TOX4: variants seen among roughly 807,000 people sequenced by gnomAD.
The protein encoded by TOX4 is TOX high mobility group box family member 4.
TOX4 carries 12 observed loss-of-function variants against 61.0 expected under a neutral mutation model. The observed-to-expected ratio is 0.20, with a 90% CI of 0.13 to 0.32. The LOEUF (loss-of-function observed/expected upper bound fraction) is 0.32, where lower values mean the gene tolerates loss of function less well. Ranked by LOEUF, TOX4 falls within the 10% of genes least tolerant of loss-of-function variation. TOX4 has a pLI of 1.00. For missense variants in TOX4, 499 were observed against 753.3 expected, an observed-to-expected ratio of 0.66 and a Z score of 3.95; for synonymous variants, 268 against 274.8, an observed-to-expected ratio of 0.98 and a Z score of 0.24.
At chr14:21,482,829 T>TG (rs1469301063) in intron 2 of TOX4, among the ~76,000 whole-genome samples, 1 of 151,148 alleles carries the variant, frequency 6.6e-6, no homozygotes, top group Non-Finnish European at 1.5e-5. Flanking sequence ...AATCTCTACT[T>TG]TTACTATAGC....
rs1026725914 is a variant in TOX4, at chr14:21,485,005, T to C, written c.76-2446T>C. Reference sequence around the variant, plus strand: ...ATTAGAGGCTGGGCGCTGTGGCTCATGCCTGTAATCCCAACAGTTTGGGAG... The same window carrying C: ...ATTAGAGGCTGGGCGCTGTGGCTCACGCCTGTAATCCCAACAGTTTGGGAG... On this transcript the variant is annotated intron_variant, in intron 2 of 8. Coordinates refer to ENST00000448790, the MANE Select transcript of TOX4 (RefSeq NM_014828.4). Among the ~76,000 whole-genome samples, 17 of 108,100 alleles carry C rather than the reference T, an allele frequency of 1.6e-4. 5 individuals are homozygous for C. The highest frequency in any genetic ancestry group is 9.1e-4 in the Admixed American group (11 of 12,112). The allele number at this position is 108,100 out of a possible 152,430, so 70.9% of individuals were successfully genotyped here.
intron 2 of TOX4, chr14:21,482,582 C>T (rs1891123284): frequency 2.1e-6 from 1 of 469,992 alleles, no homozygotes; most frequent in African/African-American, 2.0e-5. Flanking sequence ...AGGAATTGAA[C>T]AAAGGAGGAA....
Position 21,492,285 on chromosome 14 carries a change from C to A in TOX4, c.811-11C>A. On this transcript the variant is annotated splice_polypyrimidine_tract_variant and intron_variant, in intron 5 of 8. Coordinates refer to ENST00000448790, the MANE Select transcript of TOX4 (RefSeq NM_014828.4). ...AGTTTTGTTTTTTTTTTTAAAGTCT[C>A]TTTTTTGCAGGTATATAAGAGGAAA... The A allele has an allele frequency of 1.9e-6, 3 of 1,580,344 alleles. No homozygotes were observed. The highest frequency in any genetic ancestry group is 1.7e-6 in the Non-Finnish European group (2 of 1,164,128).
chr14:21,477,257 C>T lies in TOX4; in HGVS notation c.-22C>T, dbSNP rs1411704990. On this transcript the variant is annotated 5_prime_UTR_variant, in exon 1 of 9. In the 5' UTR this introduces an upstream ATG that the reference lacks. Transcript: ENST00000448790. ...CGGTGGGAGCGATGAGGGTCTGAGA[C>T]GGTGGGAGCGGTTGTGTGAAGATGG... 2 of 1,613,964 alleles carry T rather than the reference C, an allele frequency of 1.2e-6. No homozygotes were observed. The highest frequency in any genetic ancestry group is 1.7e-6 in the Non-Finnish European group (2 of 1,179,970).
At chr14:21,493,541 AAG>A (rs1356665782) in intron 7 of TOX4, among the ~76,000 whole-genome samples, 1 of 151,850 alleles carries the variant, frequency 6.6e-6, no homozygotes, top group Non-Finnish European at 1.5e-5. Flanking sequence ...TCCTGGGTTC[AAG>A]AGATTCTCCT....
chr14:21,487,711 G>A lies in TOX4; in HGVS notation c.318+18G>A. ...TGACCATGGTAAGGGGCAAGACATT[G>A]TCAGGCTTACCCCAGCTAATGGGCA... On this transcript the variant is annotated intron_variant, in intron 3 of 8. Coordinates refer to ENST00000448790, the MANE Select transcript of TOX4 (RefSeq NM_014828.4). 6.2e-7 allele frequency: 1 copy of A among 1,601,308 alleles called. No homozygotes were observed. Among genetic ancestry groups the A allele is most frequent in the Non-Finnish European group, 8.5e-7 (1 of 1,170,668 alleles).
At chr14:21,484,395 C>T (rs1229970548) in intron 2 of TOX4, among the ~76,000 whole-genome samples, 2 of 115,390 alleles carry the variant, frequency 1.7e-5, no homozygotes, top group Admixed American at 1.3e-4. Context: ...GTCACCCGGG[C>T]TGGAGTGCAG....
intron 3 of TOX4, 149 bp downstream of exon 3, chr14:21,487,842 A>G (rs1891215016): frequency 1.2e-6 from 1 of 826,684 alleles, no homozygotes; most frequent in Non-Finnish European, 1.7e-6. Context: ...ATTTCACCTG[A>G]ATAAATGAAA....
chr14:21,485,157 T>G (rs1891174288), intron 2 of TOX4, among the ~76,000 whole-genome samples: 1 of 106,418 alleles, frequency 9.4e-6, no homozygotes, highest in Non-Finnish European at 2.1e-5. Context: ...GGCTCACGCC[T>G]GTGATCTCAG....
At chr14:21,477,413 G>A (rs1349281167) in intron 1 of TOX4, 83 bp from the exon 2 acceptor site, 2 of 1,610,088 alleles carry the variant, frequency 1.2e-6, no homozygotes, top group African/African-American at 1.3e-5. Flanking sequence ...AGTGTTGTCA[G>A]AATGTCAGGG....
intron 2 of TOX4, chr14:21,482,703 A>G: frequency 2.4e-6 from 1 of 416,174 alleles, no homozygotes; most frequent in Non-Finnish European, 4.9e-6. Flanking sequence ...TTTATATTTA[A>G]CAGTCTAGAG....
At chr14:21,488,511 T>G in intron 3 of TOX4, 79 bp from the exon 4 acceptor site, 1 of 1,429,904 alleles carries the variant, frequency 7.0e-7, no homozygotes, top group Non-Finnish European at 9.6e-7. Context: ...GCAGGGAATT[T>G]ATAAGCTGTC....
In TOX4 at chr14:21,493,603, G is replaced by A. The variant is rs139935314; in HGVS notation, c.1641+346G>A. ...ATTACAGGCATGTGCCACCATGTCC[G>A]GCTAATTTTGTATTTTTAGTAGAGA... On this transcript the variant is annotated intron_variant, in intron 7 of 8. Transcript: ENST00000448790. Among the ~76,000 whole-genome samples, 1,166 of 151,100 alleles carry A rather than the reference G, an allele frequency of 7.7e-3. 15 individuals are homozygous for A. The highest frequency in any genetic ancestry group is 0.026 in the African/African-American group (1,085 of 41,106).
chr14:21,486,854 A>T (rs182679602), intron 2 of TOX4, among the ~76,000 whole-genome samples: 1 of 152,234 alleles, frequency 6.6e-6, no homozygotes, highest in African/African-American at 2.4e-5. Flanking sequence ...TGAAAATCCT[A>T]TACTAATGGG....
At chr14:21,478,061 C>T (rs1449017758) in intron 2 of TOX4, among the ~76,000 whole-genome samples, 3 of 152,120 alleles carry the variant, frequency 2.0e-5, no homozygotes, top group Non-Finnish European at 4.4e-5. Context: ...CTCAGCCTCC[C>T]GAGTAGCTGG....
chr14:21,492,123 T>C (rs1284816844), intron 5 of TOX4, 173 bp from the exon 6 acceptor site: 2 of 612,942 alleles, frequency 3.3e-6, no homozygotes, highest in African/African-American at 3.7e-5. Flanking sequence ...GTGGAGTGAG[T>C]CTGCCATGGA....
chr14:21,481,878 A>T (rs988715339), intron 2 of TOX4, among the ~76,000 whole-genome samples: 11 of 152,232 alleles, frequency 7.2e-5, no homozygotes, highest in African/African-American at 2.7e-4. Flanking sequence ...GGCAAAACTG[A>T]ACTATCAAAA....
chr14:21,488,801 C>A lies in TOX4; in HGVS notation c.530C>A (p.Pro177His). 6.2e-7 allele frequency: 1 copy of A among 1,614,218 alleles called. No individual in the cohort carries two copies. Among genetic ancestry groups the A allele is most frequent in the African/African-American group, 1.3e-5 (1 of 75,062 alleles). ...QSPEDRLSTT[P>H]SPTSSLHEDG... is the part of the protein sequence containing the mutation. ...CCTGAAGATCGTCTTTCAACCACCC[C>A]TTCACCTACTAGTTCACTTCACGAG... The change falls in exon 4 of 9, where the codon CCT (proline) becomes CAT (histidine). Residue 177 changes from proline (P) to histidine (H), a missense_variant. Around this residue, in one of 7 missense-constraint regions of TOX4, gnomAD observed 61 missense variants for 76.1 expected, o/e 0.80. Coordinates refer to ENST00000448790, the MANE Select transcript of TOX4 (RefSeq NM_014828.4).
In TOX4 at chr14:21,497,982, C is replaced by T. The variant is rs1250549566; in HGVS notation, c.*1376C>T. 5.3e-6 allele frequency: 2 copies of T among 379,844 alleles called. No homozygotes were observed. Among genetic ancestry groups the T allele is most frequent in the Non-Finnish European group, 9.7e-6 (2 of 206,540 alleles). The allele number at this position is 379,844 out of a possible 1,614,324, so 23.5% of individuals were successfully genotyped here. A position where few individuals can be genotyped will look rare whatever the true frequency, so the allele number is the denominator to read the frequency against. ...ACAGGTGTGAGCCACTGTGCCTAGC[C>T]TATAATGATCATTTTAATGTTTCCC... On this transcript the variant is annotated 3_prime_UTR_variant, in exon 9 of 9. Transcript: ENST00000448790.
Sources: allele counts gnomAD v4.1 joint callset (sites outside exome capture counted in the v4.1 genomes callset), GRCh38; gene constraint gnomAD v4.1.1; regional missense constraint gnomAD v4.1.1; transcripts MANE v1.5; gene names NCBI Gene and HGNC (gene_info 2026-07-23, HGNC 2026-07-21).